CNTNAP4: variants seen among roughly 807,000 people sequenced by gnomAD.
CNTNAP4 encodes the protein contactin-associated protein-like 4.
A neutral mutation model predicts 148.4 loss-of-function variants in CNTNAP4; 98 were observed. The ratio of observed to expected loss-of-function variants is 0.66; its 90% CI spans 0.56 to 0.78. The LOEUF is 0.78. CNTNAP4 is among the 30% of genes least tolerant of loss of function. The probability of loss-of-function intolerance (pLI) is 0.00; values close to 1 mark genes in which losing one functional copy is unlikely to be tolerated. For missense variants in CNTNAP4, 1,935 were observed against 1,565.6 expected (o/e 1.24, Z -3.98); for synonymous variants, 730 against 565.1 (o/e 1.29, Z -4.14).
rs1233902074 is a variant in CNTNAP4, at chr16:76,522,186, T to G, written c.2684T>G (p.Leu895Arg). The change falls in exon 17 of 24, where the codon CTG (leucine) becomes CGG (arginine). Residue 895 changes from leucine (L) to arginine (R), a missense_variant. By Grantham distance (102) the Leu-to-Arg change is moderately radical. Transcript: ENST00000611870. ...MKEASLQVDQ[L>R]TPKTQPAPAD... ...GAGGCCTCCCTTCAAGTGGATCAGC[T>G]GACACCAAAGACACAGCCCGCCCCC... 3 of 1,613,994 alleles carry G rather than the reference T, an allele frequency of 1.9e-6. No homozygotes were observed. The highest frequency in any genetic ancestry group is 3.3e-5 in the Admixed American group (2 of 59,994).
At chr16:76,464,716 T>C (rs1240995743) in intron 9 of CNTNAP4, among the ~76,000 whole-genome samples, 1 of 152,162 alleles carries the variant, frequency 6.6e-6, no homozygotes, top group Non-Finnish European at 1.5e-5. Context: ...GTGGCTGTCA[T>C]ATTGGGAGAG....
chr16:76,502,683 G>C (rs1395748934), intron 15 of CNTNAP4, among the ~76,000 whole-genome samples: 4 of 152,060 alleles, frequency 2.6e-5, no homozygotes, highest in African/African-American at 9.7e-5. Flanking sequence ...TCAACTACGA[G>C]GTAAATTCGA....
chr16:76,457,780 T>G (rs907292558), intron 8 of CNTNAP4, among the ~76,000 whole-genome samples: 1 of 150,312 alleles, frequency 6.7e-6, no homozygotes, highest in African/African-American at 2.4e-5. Context: ...TATGTCTTAT[T>G]TATTTGTTAT....
chr16:76,291,790 T>G (rs1184448093), intron 1 of CNTNAP4, among the ~76,000 whole-genome samples: 1 of 152,220 alleles, frequency 6.6e-6, no homozygotes, highest in African/African-American at 2.4e-5. Context: ...ATTTATCATC[T>G]AATTTTAAAT....
At chr16:76,378,665 C>A (rs2015669161) in intron 3 of CNTNAP4, among the ~76,000 whole-genome samples, 1 of 152,174 alleles carries the variant, frequency 6.6e-6, no homozygotes, top group African/African-American at 2.4e-5. Flanking sequence ...CCAGTGTATT[C>A]TTGCAGTCTC....
chr16:76,304,070 C>G (rs573127369), intron 1 of CNTNAP4, among the ~76,000 whole-genome samples: 5 of 152,234 alleles, frequency 3.3e-5, no homozygotes, highest in African/African-American at 1.2e-4. Context: ...TAAACACTTA[C>G]ATAGTACTTT....
chr16:76,411,374 T>G (rs1297813587), intron 3 of CNTNAP4, among the ~76,000 whole-genome samples: 1 of 151,358 alleles, frequency 6.6e-6, no homozygotes, highest in Non-Finnish European at 1.5e-5. Flanking sequence ...AACAATAGAA[T>G]ATACAGGTAA....
At chr16:76,331,241 G>A (rs1012498147) in intron 2 of CNTNAP4, among the ~76,000 whole-genome samples, 2 of 151,662 alleles carry the variant, frequency 1.3e-5, no homozygotes, top group Non-Finnish European at 2.9e-5. Context: ...AGGCTGGAGT[G>A]CAGTGGCGCG....
At chr16:76,277,826 A>T in intron 1 of CNTNAP4, 79 bp downstream of exon 1, 1 of 915,412 alleles carries the variant, frequency 1.1e-6, no homozygotes, top group Non-Finnish European at 1.7e-6. Context: ...GATGATGATT[A>T]TTTGCAGCTG....
chr16:76,409,536 C>T (rs1052161231), intron 3 of CNTNAP4, among the ~76,000 whole-genome samples: 1 of 151,920 alleles, frequency 6.6e-6, no homozygotes, highest in African/African-American at 2.4e-5. Context: ...ACTATAATTA[C>T]ACTGGCTGAA....
chr16:76,508,753 CTTT>C (rs373123073), intron 15 of CNTNAP4, among the ~76,000 whole-genome samples: 2 of 70,934 alleles, frequency 2.8e-5, no homozygotes, highest in Non-Finnish European at 3.9e-5. Flanking sequence ...AAAATCATAA[CTTT>C]TTTTTTTTTT....
rs1016667629 is a variant in CNTNAP4 at position 76,327,691 on chromosome 16, C to A, written c.196+11168C>A. On this transcript the variant is annotated intron_variant, in intron 2 of 23. Transcript: ENST00000611870. ...TGATGGATGGCCTTCCCCTGGGAGT[C>A]CACTGGACTCATTCTAGTAGTGAGG... Among the ~76,000 whole-genome samples, 77 of 152,256 alleles carry A rather than the reference C, an allele frequency of 5.1e-4. 1 individual carries two copies. The highest frequency in any genetic ancestry group is 2.1e-4 in the South Asian group (1 of 4,824).
At chr16:76,277,774 C>T (rs1958534376) in intron 1 of CNTNAP4, 27 bp downstream of exon 1, 1 of 1,388,744 alleles carries the variant, frequency 7.2e-7, no homozygotes, top group South Asian at 1.2e-5. Flanking sequence ...TGATTTAAAA[C>T]TTGCTGGGGG....
At chr16:76,298,428 T>C (rs1193015514) in intron 1 of CNTNAP4, among the ~76,000 whole-genome samples, 3 of 151,994 alleles carry the variant, frequency 2.0e-5, no homozygotes, top group East Asian at 1.9e-4. Context: ...CTTTTATGAA[T>C]GGCAATTAGA....
intron 3 of CNTNAP4, among the ~76,000 whole-genome samples, chr16:76,419,195 C>G (rs539748129): frequency 6.6e-6 from 1 of 152,016 alleles, no homozygotes; most frequent in East Asian, 1.9e-4. Context: ...TACTAGGTTT[C>G]CAATCTATTT....
intron 20 of CNTNAP4, among the ~76,000 whole-genome samples, chr16:76,540,377 T>A (rs2084397200): frequency 6.6e-6 from 1 of 152,054 alleles, no homozygotes; most frequent in Admixed American, 6.6e-5. Context: ...ACCTTTTGTA[T>A]CTTTTTGTTG....
At chr16:76,326,979 A>G (rs917768129) in intron 2 of CNTNAP4, among the ~76,000 whole-genome samples, 2 of 152,214 alleles carry the variant, frequency 1.3e-5, no homozygotes, top group African/African-American at 4.8e-5. Context: ...AAAAAAAAGA[A>G]AACCAAAAAA....
At chr16:76,556,191 G>A (rs2085191092) in intron 23 of CNTNAP4, among the ~76,000 whole-genome samples, 1 of 151,932 alleles carries the variant, frequency 6.6e-6, no homozygotes, top group Non-Finnish European at 1.5e-5. Context: ...TTTAAAAGTG[G>A]TGACCCAGAT....
chr16:76,293,060 A>G (rs1164213083), intron 1 of CNTNAP4, among the ~76,000 whole-genome samples: 1 of 152,026 alleles, frequency 6.6e-6, no homozygotes, highest in African/African-American at 2.4e-5. Context: ...GTTAACCCCT[A>G]TACACCTGTA....
Sources: allele counts gnomAD v4.1 joint callset (sites outside exome capture counted in the v4.1 genomes callset), GRCh38; gene constraint gnomAD v4.1.1; transcripts MANE v1.5; gene names NCBI Gene and HGNC (gene_info 2026-07-23, HGNC 2026-07-21).